The following ADCY4 variants were observed in gnomAD, a reference collection of about 807,000 sequenced individuals.
ADCY4 encodes adenylate cyclase type 4.
In ADCY4, 111 loss-of-function variants were observed where a neutral mutation model predicts 125.5. The observed-to-expected ratio is 0.88, with a 90% CI of 0.76 to 1.04. The LOEUF is 1.04. Ranked by LOEUF, ADCY4 falls within the 50% of genes least tolerant of loss-of-function variation. The probability of loss-of-function intolerance (pLI) is 0.00; values close to 1 mark genes in which losing one functional copy is unlikely to be tolerated. For synonymous variants in ADCY4, 576 were observed against 586.9 expected, an observed-to-expected ratio of 0.98 and a Z score of 0.27; for missense variants, 1,256 against 1,382.9, an observed-to-expected ratio of 0.91 and a Z score of 1.46.
chr14:24,322,488 A>G, intron 19 of ADCY4, 136 bp downstream of exon 19: 1 of 973,306 alleles, frequency 1.0e-6, no homozygotes, highest in Non-Finnish European at 1.5e-6. Context: ...CAGGGAGTGA[A>G]GGAGAAGAAA....
rs1369539372 is a variant in ADCY4, at chr14:24,334,958, C to G, written c.-306G>C. The G allele has an allele frequency of 1.1e-5, 3 of 279,814 alleles. No individual in the cohort carries two copies. Among genetic ancestry groups the G allele is most frequent in the African/African-American group, 4.4e-5 (2 of 45,342 alleles). The allele number at this position is 279,814 out of a possible 1,614,324, so 17.3% of individuals were successfully genotyped here. On this transcript the variant is annotated 5_prime_UTR_variant, in exon 1 of 25. Coordinates refer to ENST00000418030, the MANE Select transcript of ADCY4 (RefSeq NM_001198568.2). The stretch of plus-strand genomic sequence containing the variant: ...ATTTGGGGTTGGTGCGAGGGAGCCC[C>G]GGGTTCCCCTGATCCCCGAACTCAC...
chr14:24,330,664 A>G, intron 6 of ADCY4: 1 of 342,466 alleles, frequency 2.9e-6, no homozygotes, highest in Non-Finnish European at 5.4e-6. Flanking sequence ...CTGAGGTTGC[A>G]TAGGGCAGAA....
chr14:24,330,901 G>T, intron 6 of ADCY4, 117 bp downstream of exon 6: 1 of 832,160 alleles, frequency 1.2e-6, no homozygotes, highest in Non-Finnish European at 1.9e-6. Flanking sequence ...AATATCTGGG[G>T]GCCTGCATGC....
At position 24,318,562 on chromosome 14, in the gene ADCY4, C is replaced by T. The variant is rs1485975390; in HGVS notation, c.3088G>A (p.Glu1030Lys). 6.2e-7 allele frequency: 1 copy of T among 1,614,038 alleles called. No individual in the cohort carries two copies. The highest frequency in any genetic ancestry group is 8.5e-7 in the Non-Finnish European group (1 of 1,180,026). ...GACTGTAGGGCCCATGCTGTCTCCT[C>T]AGTCACCTACAATTGGAGGGGGGCG... ...TGVLGKIQVT[E>K]ETAWALQSLG... The change falls in exon 25 of 25, where the codon GAG becomes AAG. Residue 1030 changes from glutamate to lysine, a missense_variant. Transcript: ENST00000418030.
In ADCY4 at chr14:24,331,228, G is replaced by C; in HGVS notation, c.798C>G (p.Val266=). The C allele has an allele frequency of 1.9e-6, 3 of 1,614,182 alleles. No homozygotes were observed. The East Asian group carries it at 6.7e-5, about 36-fold the overall frequency. The change falls in exon 5 of 25, where the codon GTC becomes GTG. Residue 266 remains valine (V), a synonymous_variant. Transcript: ENST00000418030. ...CATACCTGACTCCCTGGTGCCTCTT[G>C]ACATAGAGGCTGTGGAAATTGTTAG... is the stretch of plus-strand genomic sequence containing the variant. ...ESTNNFHSLY[V]KRHQGVSVLY...
chr14:24,330,429 T>C, intron 6 of ADCY4, 134 bp from the exon 7 acceptor site: 2 of 1,228,724 alleles, frequency 1.6e-6, no homozygotes, highest in Non-Finnish European at 2.3e-6. Context: ...AGATCAGATC[T>C]AGGGACTCCT....
Position 24,319,089 on chromosome 14 carries a change from G to A in ADCY4, c.2956+9C>T, listed in dbSNP as rs758196589. ...GTACCAGACTGCTGCAGCAGGGGAAGTCTCTCACCCACTCGCAGGCGGAAG... is the reference window on the plus strand; with the variant it reads ...GTACCAGACTGCTGCAGCAGGGGAAATCTCTCACCCACTCGCAGGCGGAAG... On this transcript the variant is annotated intron_variant, in intron 23 of 24. Transcript: ENST00000418030. The surrounding 1 kb of genome is among the most constrained non-coding windows in gnomAD (Gnocchi z 4.5). 4 of 1,613,702 alleles carry A rather than the reference G, an allele frequency of 2.5e-6. No individual in the cohort carries two copies. Among genetic ancestry groups the A allele is most frequent in the Middle Eastern group, 1.6e-4 (1 of 6,062 alleles).
At chr14:24,323,646 C>G in intron 16 of ADCY4, 192 bp from the exon 17 acceptor site, 1 of 1,416,738 alleles carries the variant, frequency 7.1e-7, no homozygotes. Context: ...TGAGGGGCGT[C>G]AAGAGTACTC....
chr14:24,330,338 G>C, intron 6 of ADCY4, 43 bp from the exon 7 acceptor site: 3 of 1,611,618 alleles, frequency 1.9e-6, no homozygotes, highest in Non-Finnish European at 2.5e-6. Context: ...CTGGTTAGAG[G>C]TCAGAAGGGT....
At chr14:24,327,722 T>TG (rs2041970759) in intron 10 of ADCY4, among the ~76,000 whole-genome samples, 1 of 151,826 alleles carries the variant, frequency 6.6e-6, no homozygotes, top group South Asian at 2.1e-4. Flanking sequence ...CAGGAGGAAG[T>TG]GGGGGGTCCA....
chr14:24,321,453 C>T (rs1035484132), intron 20 of ADCY4, among the ~76,000 whole-genome samples: 1 of 150,926 alleles, frequency 6.6e-6, no homozygotes, highest in African/African-American at 2.4e-5. Context: ...GAGAGTGAAA[C>T]TCTGTTGCAC....
intron 16 of ADCY4, 59 bp downstream of exon 16, chr14:24,324,003 A>C (rs2041899396): frequency 3.2e-6 from 5 of 1,571,184 alleles, no homozygotes; most frequent in African/African-American, 1.4e-5. Context: ...GTTCCCTTTC[A>C]GTCCCTGGCA....
chr14:24,329,536 G>C lies in ADCY4; in HGVS notation c.1218-3C>G. 1.3e-6 allele frequency: 2 copies of C among 1,518,640 alleles called. No individual in the cohort carries two copies. Among genetic ancestry groups the C allele is most frequent in the Non-Finnish European group, 8.8e-7 (1 of 1,135,256 alleles). 94.1% of individuals were successfully genotyped at this position (1,518,640 alleles called of 1,614,324 possible). On this transcript the variant is annotated splice_polypyrimidine_tract_variant and splice_region_variant and intron_variant, in intron 8 of 24. Transcript: ENST00000418030. ...TAGCCCCTGTGATGTGCACTCGCCT[G>C]GAAGGAGGGAGGCAGTAGGGGTCAG...
rs1010556079 is a variant in ADCY4 at position 24,330,290 on chromosome 14, A to G, written c.936T>C (p.His312=). 6.2e-7 allele frequency: 1 copy of G among 1,614,112 alleles called. No individual in the cohort carries two copies. The change falls in exon 7 of 25, where the codon CAT becomes CAC. Residue 312 remains histidine (H), a synonymous_variant. Transcript: ENST00000418030. ...FGKFDQIAKE[H]ECMRIKILGD... is the part of the protein sequence containing the mutation. ...CCAGGATCTTGATCCGCATGCATTC[A>G]TGCTCCTGGGAGTGTGTATGTGGGT... is the stretch of plus-strand genomic sequence containing the variant.
intron 10 of ADCY4, among the ~76,000 whole-genome samples, chr14:24,327,556 C>T (rs1314789823): frequency 6.6e-6 from 1 of 152,230 alleles, no homozygotes; most frequent in Non-Finnish European, 1.5e-5. Flanking sequence ...CTCATGTTAA[C>T]ACTTGGAATT....
chr14:24,322,942 G>A lies in ADCY4; in HGVS notation c.2304C>T (p.Cys768=), dbSNP rs1326134259. Residue 768 remains cysteine (C), a synonymous_variant, in exon 18 of 25, where the codon TGC becomes TGT. Coordinates refer to ENST00000418030, the MANE Select transcript of ADCY4 (RefSeq NM_001198568.2). ...GGCCCAGATAGAGGCGGACGATGAG[G>A]CATTCCGACAGCCAGGCATGGGAGT... ...FLHSHAWLSE[C]LIVRLYLGPL... 1.2e-6 allele frequency: 2 copies of A among 1,611,858 alleles called. No individual in the cohort carries two copies. Among genetic ancestry groups the A allele is most frequent in the Non-Finnish European group, 1.7e-6 (2 of 1,179,114 alleles).
intron 14 of ADCY4, among the ~76,000 whole-genome samples, chr14:24,325,100 G>A (rs1404979715): frequency 6.6e-6 from 1 of 152,022 alleles, no homozygotes; most frequent in Non-Finnish European, 1.5e-5. Context: ...CCAGATTTGG[G>A]TTTCTCAATG....
intron 10 of ADCY4, 138 bp from the exon 11 acceptor site, chr14:24,326,480 ACCTC>A: frequency 9.9e-7 from 1 of 1,013,630 alleles, no homozygotes; most frequent in Non-Finnish European, 1.5e-6. Flanking sequence ...GCCTCTAATG[ACCTC>A]TCTGTCTCCC....
chr14:24,323,879 A>G (rs758736292), intron 16 of ADCY4, among the ~76,000 whole-genome samples, 183 bp downstream of exon 16: 1 of 152,282 alleles, frequency 6.6e-6, no homozygotes, highest in Non-Finnish European at 1.5e-5. Flanking sequence ...AGTGTTATCA[A>G]CAACTATTAT....
Sources: gnomAD v4.1 joint callset for allele counts (sites outside exome capture counted in the v4.1 genomes callset) on GRCh38, gnomAD v4.1.1 for gene constraint, Gnocchi (gnomAD v3.1) non-coding constraint, MANE v1.5 for transcripts, NCBI Gene and HGNC (gene_info 2026-07-23, HGNC 2026-07-21) for gene names.